The following PHACTR2 variants were observed in gnomAD, a reference collection of about 807,000 sequenced individuals.
PHACTR2 encodes the protein chromosome 6 open reading frame 56.
In PHACTR2, 30 loss-of-function variants were observed where a neutral mutation model predicts 76.0. That is an observed-to-expected ratio of 0.39 (90% CI 0.30 to 0.54). The LOEUF (loss-of-function observed/expected upper bound fraction) is 0.54. Ranked by LOEUF, PHACTR2 falls within the 20% of genes least tolerant of loss-of-function variation. PHACTR2 has a pLI of 0.61. For missense variants in PHACTR2, 696 were observed against 781.1 expected (o/e 0.89, Z 1.30); for synonymous variants, 292 against 292.5 (o/e 1.00, Z 0.02).
upstream of PHACTR2, among the ~76,000 whole-genome samples, chr6:143,603,632 G>A (rs1436971198): frequency 1.3e-5 from 2 of 152,172 alleles, no homozygotes; most frequent in African/African-American, 4.8e-5. Context: ...AATCTTTCTT[G>A]CCCAGATCTT....
At chr6:143,746,806 ACT>A (rs1779077690) in intron 2 of PHACTR2, among the ~76,000 whole-genome samples, 1 of 149,782 alleles carries the variant, frequency 6.7e-6, no homozygotes, top group South Asian at 2.1e-4. Context: ...AAATAACAAC[ACT>A]CTTTTTACAT....
intron 2 of PHACTR2, among the ~76,000 whole-genome samples, chr6:143,712,625 A>G (rs1185380248): frequency 1.3e-5 from 2 of 151,980 alleles, no homozygotes; most frequent in Non-Finnish European, 2.9e-5. Flanking sequence ...ACATAACGTA[A>G]TGTTAACGGT....
chr6:143,681,316 C>G (rs999633400), intron 1 of PHACTR2, among the ~76,000 whole-genome samples: 3 of 152,182 alleles, frequency 2.0e-5, no homozygotes, highest in Non-Finnish European at 2.9e-5. Context: ...GAAGTTATAT[C>G]TCATGGTTTT....
rs183052592 is a variant in PHACTR2, at chr6:143,793,073, C to T, written c.1845+4163C>T. Reference sequence around the variant, plus strand: ...ATCTTATTATTCAAATGCAAAACTTCAGAAAGGCAGGTAGGGCCAGATAAA... The same window carrying T: ...ATCTTATTATTCAAATGCAAAACTTTAGAAAGGCAGGTAGGGCCAGATAAA... On this transcript the variant is annotated intron_variant, in intron 11 of 12. Coordinates refer to ENST00000440869, the MANE Select transcript of PHACTR2 (RefSeq NM_001100164.2). This position sits in a 1 kb window ranked among gnomAD's most constrained non-coding sequence, Gnocchi z 4.4. 3.9e-5 allele frequency among the ~76,000 whole-genome samples: 6 copies of T among 152,282 alleles called. No individual in the cohort carries two copies. In the East Asian group the frequency reaches 7.7e-4, roughly 20 times the overall value.
rs932801800 is a variant in PHACTR2, at chr6:143,722,570, G to A, written c.214+10387G>A. On this transcript the variant is annotated intron_variant, in intron 2 of 12. Coordinates refer to ENST00000440869, the MANE Select transcript of PHACTR2 (RefSeq NM_001100164.2). This position sits in a 1 kb window ranked among gnomAD's most constrained non-coding sequence, Gnocchi z 4.1. The stretch of plus-strand genomic sequence containing the variant: ...TACAATGTGTAATGTTTAAATCAAG[G>A]TAATTGAGATATACATCACCTCAAA... Among the ~76,000 whole-genome samples, 1 of 151,990 alleles carries A rather than the reference G, an allele frequency of 6.6e-6. No individual in the cohort carries two copies. The highest frequency in any genetic ancestry group is 1.5e-5 in the Non-Finnish European group (1 of 68,016).
Position 143,589,779 on chromosome 6 carries a change from G to A in PHACTR2, c.217+52572G>A, listed in dbSNP as rs557376998. Among the ~76,000 whole-genome samples, 3 of 152,270 alleles carry A rather than the reference G, an allele frequency of 2.0e-5. No individual in the cohort carries two copies. In the South Asian group the frequency reaches 6.2e-4, roughly 32 times the overall value. ...AGGGCTTCAACATATAAATTTAGGG[G>A]AGGGGACACAATTCAGTCCATTGCA... On this transcript the variant is annotated intron_variant, in intron 1 of 11. Transcript: ENST00000367584. The surrounding 1 kb of genome is among the most constrained non-coding windows in gnomAD (Gnocchi z 4.4).
At position 143,611,156 on chromosome 6, in the gene PHACTR2, T is replaced by TAA. The variant is rs112726774; in HGVS notation, c.13+2844_13+2845dup. Among the ~76,000 whole-genome samples the TAA allele has an allele frequency of 1.3e-3, 193 of 148,488 alleles. No individual in the cohort carries two copies. The highest frequency in any genetic ancestry group is 1.3e-3 in the Non-Finnish European group (86 of 66,690). Reference sequence around the variant, plus strand: ...CATATTCTACAGTGCAGAGTACTGTTAAAAAAAAAAAGTTCTGCAGAATTT... The same window carrying TAA: ...CATATTCTACAGTGCAGAGTACTGTTAAAAAAAAAAAAAGTTCTGCAGAATTT... On this transcript the variant is annotated intron_variant, in intron 1 of 11. Coordinates refer to the PHACTR2 transcript ENST00000305766. This position sits in a 1 kb window ranked among gnomAD's most constrained non-coding sequence, Gnocchi z 4.4.
At chr6:143,640,007 T>C (rs1278585104) in intron 1 of PHACTR2, among the ~76,000 whole-genome samples, 2 of 152,234 alleles carry the variant, frequency 1.3e-5, no homozygotes, top group Non-Finnish European at 2.9e-5. Flanking sequence ...GCCACATATA[T>C]GATGGTAATT....
In PHACTR2 at chr6:143,743,011, A is replaced by G. The variant is rs1778978420; in HGVS notation, c.215-5974A>G. Among the ~76,000 whole-genome samples the G allele has an allele frequency of 6.6e-6, 1 of 152,228 alleles. No homozygotes were observed. The highest frequency in any genetic ancestry group is 1.5e-5 in the Non-Finnish European group (1 of 68,042). On this transcript the variant is annotated intron_variant, in intron 2 of 12. Transcript: ENST00000440869. The surrounding 1 kb of genome is among the most constrained non-coding windows in gnomAD (Gnocchi z 5.0). ...TATTTAGTCTCCAAAAGAACCAGGA[A>G]AGTAGTTGCTATCTCTCCATTTTGC...
At chr6:143,732,317 A>C (rs1166165576) in intron 2 of PHACTR2, among the ~76,000 whole-genome samples, 3 of 152,220 alleles carry the variant, frequency 2.0e-5, no homozygotes, top group Admixed American at 2.0e-4. Flanking sequence ...TCCCAGCTCT[A>C]CTTTCTATCT....
Position 143,651,740 on chromosome 6 carries a change from T to C in PHACTR2, c.13+43418T>C, listed in dbSNP as rs530165738. Among the ~76,000 whole-genome samples, 14 of 152,032 alleles carry C rather than the reference T, an allele frequency of 9.2e-5. 1 individual carries two copies. In the East Asian group the frequency reaches 1.7e-3, roughly 19 times the overall value. ...AGCGTCAGGAAGAATAGCTAATAGATGCTGGGCTTAATATCTAGGTGATGG... is the reference window on the plus strand; with the variant it reads ...AGCGTCAGGAAGAATAGCTAATAGACGCTGGGCTTAATATCTAGGTGATGG... On this transcript the variant is annotated intron_variant, in intron 1 of 11. Coordinates refer to the PHACTR2 transcript ENST00000305766.
intron 12 of PHACTR2, among the ~76,000 whole-genome samples, chr6:143,817,278 C>A (rs931968567): frequency 1.3e-5 from 2 of 152,136 alleles, no homozygotes; most frequent in African/African-American, 4.8e-5. Flanking sequence ...CAAAGCCCAG[C>A]AGATTTGGCG....
intron 2 of PHACTR2, among the ~76,000 whole-genome samples, chr6:143,712,859 C>T (rs967766614): frequency 2.6e-5 from 4 of 152,166 alleles, no homozygotes; most frequent in African/African-American, 7.2e-5. Context: ...ATTTGTGAAA[C>T]CTTAAAAGTT....
intron 9 of PHACTR2, among the ~76,000 whole-genome samples, chr6:143,781,357 C>T (rs891960815): frequency 6.6e-6 from 1 of 152,172 alleles, no homozygotes; most frequent in African/African-American, 2.4e-5. Flanking sequence ...CAAATATTCC[C>T]TTCAAGGAAA....
upstream of PHACTR2, chr6:143,677,956 A>G: frequency 7.7e-7 from 1 of 1,297,782 alleles, no homozygotes; most frequent in Non-Finnish European, 9.9e-7. Flanking sequence ...GCATAGAGGA[A>G]TGACAGGCAT....
At chr6:143,715,834 C>G (rs1269483473) in intron 2 of PHACTR2, among the ~76,000 whole-genome samples, 3 of 152,234 alleles carry the variant, frequency 2.0e-5, no homozygotes, top group Non-Finnish European at 4.4e-5. Context: ...TCACCATCTT[C>G]TACATTCTAT....
intron 1 of PHACTR2, among the ~76,000 whole-genome samples, chr6:143,631,694 C>T (rs1776366027): frequency 6.6e-6 from 1 of 152,190 alleles, no homozygotes; most frequent in South Asian, 2.1e-4. Context: ...AACGAGGTCT[C>T]ATTGACAAAG....
At chr6:143,657,280 A>G (rs936897569) in intron 1 of PHACTR2, among the ~76,000 whole-genome samples, 2 of 152,180 alleles carry the variant, frequency 1.3e-5, no homozygotes, top group Non-Finnish European at 2.9e-5. Context: ...ACATACAGTG[A>G]ACAATTCAGA....
rs1422496399 is a variant in PHACTR2, at chr6:143,654,617, C to G, written c.13+46295C>G. On this transcript the variant is annotated intron_variant, in intron 1 of 11. Coordinates refer to the PHACTR2 transcript ENST00000305766. This position sits in a 1 kb window ranked among gnomAD's most constrained non-coding sequence, Gnocchi z 4.6. ...GCCTGGAGTTCAAGACCAGCCTGAG[C>G]AACATAGCAAGACTCCATCTCTACA... is the stretch of plus-strand genomic sequence containing the variant. Among the ~76,000 whole-genome samples, 1 of 151,958 alleles carries G rather than the reference C, an allele frequency of 6.6e-6. No homozygotes were observed. Among genetic ancestry groups the G allele is most frequent in the Non-Finnish European group, 1.5e-5 (1 of 67,988 alleles).
Sources: allele counts gnomAD v4.1 joint callset (sites outside exome capture counted in the v4.1 genomes callset), GRCh38; gene constraint gnomAD v4.1.1; non-coding constraint Gnocchi (gnomAD v3.1); transcripts MANE v1.5; gene names NCBI Gene and HGNC (gene_info 2026-07-23, HGNC 2026-07-21).